TCF12: variants seen among roughly 807,000 people sequenced by gnomAD.
The protein encoded by TCF12 is DNA-binding protein HTF4.
A neutral mutation model predicts 86.0 loss-of-function variants in TCF12; 45 were observed. The observed-to-expected ratio is 0.52, with a 90% CI of 0.41 to 0.67. The LOEUF (loss-of-function observed/expected upper bound fraction) is 0.67, where lower values mean the gene tolerates loss of function less well. TCF12 is among the 30% of genes least tolerant of loss of function. The probability of loss-of-function intolerance (pLI) is 0.00; values close to 1 mark genes in which losing one functional copy is unlikely to be tolerated. For synonymous variants in TCF12, 330 were observed against 299.6 expected, an observed-to-expected ratio of 1.10 and a Z score of -1.05; for missense variants, 881 against 859.9, an observed-to-expected ratio of 1.02 and a Z score of -0.31.
rs1306369534 is a variant in TCF12 at position 57,288,709 on chromosome 15, G to C, written c.*2564G>C. On this transcript the variant is annotated 3_prime_UTR_variant, in exon 21 of 21. Transcript: ENST00000333725. ...ATCTGGTCTAGAGCTTCTCTAGCTT[G>C]TGCTTTTCTCCTCTTGCCCTCACTA... 1 of 152,158 alleles carries C rather than the reference G, an allele frequency of 6.6e-6. No homozygotes were observed. Among genetic ancestry groups the C allele is most frequent in the Non-Finnish European group, 1.5e-5 (1 of 68,034 alleles). 9.4% of individuals were successfully genotyped at this position (152,158 alleles called of 1,614,324 possible).
At chr15:57,125,936 A>T (rs545872482) in intron 5 of TCF12, among the ~76,000 whole-genome samples, 1 of 152,258 alleles carries the variant, frequency 6.6e-6, no homozygotes, top group South Asian at 2.1e-4. Flanking sequence ...GTGTGTAGGG[A>T]ATCTGATTTT....
chr15:57,259,304 G>A (rs941480830), intron 16 of TCF12, among the ~76,000 whole-genome samples: 15 of 152,290 alleles, frequency 9.8e-5, no homozygotes, highest in African/African-American at 7.2e-5. Flanking sequence ...GGAGTAGACA[G>A]TATGTAAAGA....
chr15:57,100,720 C>T (rs1464577024), intron 5 of TCF12, among the ~76,000 whole-genome samples: 1 of 151,970 alleles, frequency 6.6e-6, no homozygotes, highest in Non-Finnish European at 1.5e-5. Context: ...GGAGGTATTC[C>T]TGGTACTTAC....
intron 19 of TCF12, among the ~76,000 whole-genome samples, chr15:57,276,808 C>CTTTTTTTTT: frequency 9.3e-6 from 1 of 107,568 alleles, no homozygotes; most frequent in Non-Finnish European, 1.9e-5. Flanking sequence ...TTTTTTTTTC[C>CTTTTTTTTT]TTTTTTTTTT....
At chr15:57,158,926 A>G (rs2054306490) in intron 5 of TCF12, among the ~76,000 whole-genome samples, 1 of 152,230 alleles carries the variant, frequency 6.6e-6, no homozygotes, top group Non-Finnish European at 1.5e-5. Flanking sequence ...TTAGCCAATA[A>G]TGCTTAAACA....
intron 4 of TCF12, among the ~76,000 whole-genome samples, chr15:57,069,368 ATTAAG>A (rs2069174930): frequency 6.6e-6 from 1 of 152,168 alleles, no homozygotes; most frequent in African/African-American, 2.4e-5. Context: ...AAGAAGCAAT[ATTAAG>A]TTGAGTAGAG....
At chr15:57,149,842 C>G (rs2053617116) in intron 5 of TCF12, among the ~76,000 whole-genome samples, 2 of 152,006 alleles carry the variant, frequency 1.3e-5, no homozygotes, top group Non-Finnish European at 2.9e-5. Context: ...TTTTTCTGAT[C>G]TGTAAAAATG....
chr15:56,925,240 G>GTCCCCCCCCCCCCCCCC (rs2059952642), intron 3 of TCF12, among the ~76,000 whole-genome samples: 1 of 136,260 alleles, frequency 7.3e-6, no homozygotes, highest in Non-Finnish European at 1.6e-5. Context: ...GGTGTCCACC[G>GTCCCCCCCCCCCCCCCC]CCCCCCCACC....
At chr15:57,281,989 T>A (rs2061712079) in intron 19 of TCF12, among the ~76,000 whole-genome samples, 1 of 152,160 alleles carries the variant, frequency 6.6e-6, no homozygotes. Flanking sequence ...ACCACTGCTT[T>A]AGAGGAATAG....
chr15:57,148,744 G>T (rs528952969), intron 5 of TCF12, among the ~76,000 whole-genome samples: 1 of 151,686 alleles, frequency 6.6e-6, no homozygotes, highest in Non-Finnish European at 1.5e-5. Context: ...GGGCATGGTG[G>T]TGTGCACCTG....
intron 6 of TCF12, among the ~76,000 whole-genome samples, chr15:57,174,443 A>G (rs1362064062): frequency 1.3e-5 from 2 of 152,218 alleles, no homozygotes; most frequent in East Asian, 1.9e-4. Flanking sequence ...AAAAAAATCT[A>G]TGGCTAACAG....
At chr15:57,202,253 C>A (rs979740796) in intron 8 of TCF12, among the ~76,000 whole-genome samples, 3 of 151,926 alleles carry the variant, frequency 2.0e-5, no homozygotes, top group Non-Finnish European at 4.4e-5. Context: ...TTCTTTAATA[C>A]CTTGGTTTAT....
rs576682243 is a variant in TCF12, at chr15:57,125,440, C to T, written c.325+33549C>T. On this transcript the variant is annotated intron_variant, in intron 5 of 20. Transcript: ENST00000333725. Reference sequence around the variant, plus strand: ...AGGCCAACAACAAATGAAGCAATTACTATTTTACAGTTACACGAGGCAAAC... The same window carrying T: ...AGGCCAACAACAAATGAAGCAATTATTATTTTACAGTTACACGAGGCAAAC... Among the ~76,000 whole-genome samples, 7 of 152,268 alleles carry T rather than the reference C, an allele frequency of 4.6e-5. No homozygotes were observed. In the South Asian group the frequency reaches 1.5e-3, roughly 32 times the overall value.
At chr15:57,203,559 A>G (rs2057660963) in intron 8 of TCF12, among the ~76,000 whole-genome samples, 1 of 152,200 alleles carries the variant, frequency 6.6e-6, no homozygotes, top group Non-Finnish European at 1.5e-5. Context: ...TTTTCATATC[A>G]AATATTAACT....
At chr15:57,204,415 C>T (rs896881048) in intron 8 of TCF12, among the ~76,000 whole-genome samples, 2 of 151,888 alleles carry the variant, frequency 1.3e-5, no homozygotes, top group Admixed American at 1.3e-4. Context: ...GTGATTTCAC[C>T]ACTGCACTCC....
chr15:57,000,724 CTTTG>C (rs1361060697), intron 3 of TCF12, among the ~76,000 whole-genome samples: 3 of 151,982 alleles, frequency 2.0e-5, no homozygotes, highest in Non-Finnish European at 4.4e-5. Context: ...TCCAGTCTAA[CTTTG>C]TTTTTATTAT....
At chr15:57,170,176 G>A (rs1258691569) in intron 6 of TCF12, among the ~76,000 whole-genome samples, 1 of 152,044 alleles carries the variant, frequency 6.6e-6, no homozygotes, top group African/African-American at 2.4e-5. Context: ...TTGACTATAT[G>A]ACTATACTTC....
rs2061964297 is a variant in TCF12, at chr15:57,287,278, C to T, written c.*1133C>T. ...AGGCAGGTAGTGTGATAAATGAACA[C>T]ACCACTCTGAGGCTAATTACCTAAT... On this transcript the variant is annotated 3_prime_UTR_variant, in exon 21 of 21. Coordinates refer to ENST00000333725, the MANE Select transcript of TCF12 (RefSeq NM_207037.2). 1 of 152,794 alleles carries T rather than the reference C, an allele frequency of 6.5e-6. No homozygotes were observed. The highest frequency in any genetic ancestry group is 2.4e-5 in the African/African-American group (1 of 41,440). 9.5% of individuals were successfully genotyped at this position (152,794 alleles called of 1,614,324 possible). A position where few individuals can be genotyped will look rare whatever the true frequency, so the allele number is the denominator to read the frequency against.
chr15:57,203,254 G>A (rs1430912887), intron 8 of TCF12, among the ~76,000 whole-genome samples: 2 of 152,130 alleles, frequency 1.3e-5, no homozygotes, highest in South Asian at 2.1e-4. Flanking sequence ...CTCAGGAGTC[G>A]ACACTTTTTT....
Sources: allele counts gnomAD v4.1 joint callset (sites outside exome capture counted in the v4.1 genomes callset), GRCh38; gene constraint gnomAD v4.1.1; transcripts MANE v1.5; gene names NCBI Gene and HGNC (gene_info 2026-07-23, HGNC 2026-07-21).